SGCD: variants seen among roughly 807,000 people sequenced by gnomAD.
The protein encoded by SGCD is delta-sarcoglycan.
In SGCD, 18 loss-of-function variants were observed where a neutral mutation model predicts 36.6. The ratio of observed to expected loss-of-function variants is 0.49; its 90% CI spans 0.34 to 0.73. The LOEUF (loss-of-function observed/expected upper bound fraction) is 0.73. Among genes scored for constraint, SGCD ranks in the 30% least tolerant of loss-of-function variants. The probability of loss-of-function intolerance (pLI) is 0.01; values close to 1 mark genes in which losing one functional copy is unlikely to be tolerated. For synonymous variants in SGCD, 133 were observed against 130.6 expected (o/e 1.02, Z -0.12); for missense variants, 387 against 346.7 (o/e 1.12, Z -0.92).
intron 7 of SGCD, among the ~76,000 whole-genome samples, chr5:156,670,014 C>A (rs1753221762): frequency 6.6e-6 from 1 of 152,162 alleles, no homozygotes; most frequent in African/African-American, 2.4e-5. Context: ...TTGTCCCCAT[C>A]ACGACCAGCC....
At chr5:156,403,083 A>T (rs1724653455) in intron 3 of SGCD, among the ~76,000 whole-genome samples, 1 of 152,144 alleles carries the variant, frequency 6.6e-6, no homozygotes, top group African/African-American at 2.4e-5. Flanking sequence ...AAGGTTGACT[A>T]CTTCGGGGCC....
intron 3 of SGCD, among the ~76,000 whole-genome samples, chr5:156,359,994 A>G (rs1769700093): frequency 6.6e-6 from 1 of 151,912 alleles, no homozygotes; most frequent in Non-Finnish European, 1.5e-5. Context: ...TTTCCATTTG[A>G]CTCTCATTGT....
At chr5:156,131,749 T>C (rs1192068666) in intron 3 of SGCD, among the ~76,000 whole-genome samples, 4 of 152,238 alleles carry the variant, frequency 2.6e-5, no homozygotes, top group African/African-American at 9.6e-5. Flanking sequence ...AAAATTGTCA[T>C]TAAATATAAT....
At chr5:156,420,858 G>T (rs1283863244) in intron 3 of SGCD, among the ~76,000 whole-genome samples, 1 of 152,098 alleles carries the variant, frequency 6.6e-6, no homozygotes, top group African/African-American at 2.4e-5. Context: ...ATTCTGAAAT[G>T]GCTATCTGTT....
intron 3 of SGCD, among the ~76,000 whole-genome samples, chr5:156,361,243 T>C (rs1438046358): frequency 6.6e-6 from 1 of 152,146 alleles, no homozygotes; most frequent in African/African-American, 2.4e-5. Context: ...GCAAGTCCAA[T>C]GAAGGGGCCA....
At chr5:155,854,429 T>G in the SGCD span, among the ~76,000 whole-genome samples, 1 of 152,182 alleles carries the variant, frequency 6.6e-6, no homozygotes, top group Admixed American at 6.6e-5. Flanking sequence ...TAGTCAAATT[T>G]TAGCTAATTT....
At chr5:155,960,173 C>G (rs1308665676) in intron 1 of SGCD, among the ~76,000 whole-genome samples, 7 of 152,074 alleles carry the variant, frequency 4.6e-5, no homozygotes, top group Admixed American at 1.3e-4. Flanking sequence ...TCATTTCCAC[C>G]TCTCCCGCTC....
chr5:155,861,926 C>G, the SGCD span, among the ~76,000 whole-genome samples: 3 of 152,132 alleles, frequency 2.0e-5, no homozygotes, highest in African/African-American at 7.2e-5. Context: ...ACAGAAGAGT[C>G]CCATCCTATT....
At chr5:155,837,086 A>G in the SGCD span, among the ~76,000 whole-genome samples, 1 of 152,092 alleles carries the variant, frequency 6.6e-6, no homozygotes, top group African/African-American at 2.4e-5. Context: ...GTGACATGTT[A>G]TTTTTTCCTT....
chr5:156,604,558 T>C (rs1432682548), intron 6 of SGCD, among the ~76,000 whole-genome samples: 2 of 151,788 alleles, frequency 1.3e-5, no homozygotes, highest in Admixed American at 6.6e-5. Context: ...TTACAATAGG[T>C]TATTTTAAGC....
intron 7 of SGCD, among the ~76,000 whole-genome samples, chr5:156,715,552 T>C (rs933510730): frequency 6.6e-6 from 1 of 152,224 alleles, no homozygotes. Context: ...GTGCATTTAC[T>C]TGGAGCTGCT....
chr5:156,033,441 CG>C (rs1759405795), intron 1 of SGCD, among the ~76,000 whole-genome samples: 1 of 152,068 alleles, frequency 6.6e-6, no homozygotes, highest in South Asian at 2.1e-4. Context: ...TCTATATGTC[CG>C]TGTGTACCCA....
chr5:156,579,409 C>T (rs1340974907), intron 4 of SGCD, among the ~76,000 whole-genome samples: 1 of 152,076 alleles, frequency 6.6e-6, no homozygotes, highest in African/African-American at 2.4e-5. Flanking sequence ...GTGGAGAGTT[C>T]TGCAGGTCTC....
the SGCD span, among the ~76,000 whole-genome samples, chr5:155,770,548 G>T: frequency 6.6e-6 from 1 of 152,150 alleles, no homozygotes; most frequent in Non-Finnish European, 1.5e-5. Context: ...AGCCTTAAAA[G>T]TTAGGAATTA....
the SGCD span, among the ~76,000 whole-genome samples, chr5:155,813,492 T>C: frequency 6.6e-6 from 1 of 152,146 alleles, no homozygotes; most frequent in Non-Finnish European, 1.5e-5. Flanking sequence ...AAAAACACCC[T>C]GTGAGCAGAT....
intron 1 of SGCD, among the ~76,000 whole-genome samples, chr5:155,914,045 A>G (rs1756687868): frequency 6.6e-6 from 1 of 152,200 alleles, no homozygotes; most frequent in South Asian, 2.1e-4. Context: ...CAATGCCCTT[A>G]TTTTATAAAT....
chr5:155,728,337 A>G, the SGCD span, among the ~76,000 whole-genome samples: 55 of 152,098 alleles, frequency 3.6e-4, no homozygotes, highest in African/African-American at 1.3e-3. Flanking sequence ...CCGGAGTCGG[A>G]GCCGGCGAGA....
At chr5:156,103,561 C>T (rs1028910293) in intron 1 of SGCD, among the ~76,000 whole-genome samples, 2 of 152,026 alleles carry the variant, frequency 1.3e-5, no homozygotes, top group South Asian at 2.1e-4. Context: ...TGTCTTCCCA[C>T]AGACCAATAG....
chr5:156,201,220 T>G (rs1581164887), intron 3 of SGCD, among the ~76,000 whole-genome samples: 1 of 152,128 alleles, frequency 6.6e-6, no homozygotes, highest in Non-Finnish European at 1.5e-5. Flanking sequence ...AACAGTAAAT[T>G]TAATGCTATG....
Sources: allele counts gnomAD v4.1 joint callset (sites outside exome capture counted in the v4.1 genomes callset), GRCh38; gene constraint gnomAD v4.1.1; transcripts MANE v1.5; gene names NCBI Gene and HGNC (gene_info 2026-07-23, HGNC 2026-07-21).